The following AKNA variants were observed in gnomAD, a reference collection of about 807,000 sequenced individuals.
AKNA encodes microtubule organization protein AKNA.
A neutral mutation model predicts 138.8 loss-of-function variants in AKNA; 67 were observed. The observed-to-expected ratio is 0.48, with a 90% CI of 0.40 to 0.59. AKNA has a LOEUF of 0.59. Among genes scored for constraint, AKNA ranks in the 20% least tolerant of loss-of-function variants. The probability of loss-of-function intolerance (pLI) is 0.00; values close to 1 mark genes in which losing one functional copy is unlikely to be tolerated. For missense variants in AKNA, 1,813 were observed against 1,880.4 expected (o/e 0.96, Z 0.66); for synonymous variants, 737 against 754.4 (o/e 0.98, Z 0.38).
chr9:114,396,541 T>C (rs1320203016), upstream of AKNA, among the ~76,000 whole-genome samples: 2 of 151,950 alleles, frequency 1.3e-5, no homozygotes, highest in Admixed American at 6.6e-5. Context: ...TAGCCAGGTG[T>C]AGTGGCACAC....
chr9:114,381,110 G>A lies in AKNA; in HGVS notation c.224C>T (p.Pro75Leu), dbSNP rs372030820. Residue 75 changes from proline to leucine, a missense_variant, in exon 2 of 22, where the codon CCG becomes CTG. By Grantham distance (98) the Pro-to-Leu change is moderately conservative (BLOSUM62 -3). Coordinates refer to ENST00000374088, the MANE Select transcript of AKNA (RefSeq NM_001317950.2). Reference protein sequence around the residue: ...HLPPLEWDPHPQPDGHQDSES... With the variant: ...HLPPLEWDPHLQPDGHQDSES... ...GGAATCCTGATGCCCATCGGGCTGCGGGTGTGGGTCCCACTCCAGGGGCGG... is the reference window on the plus strand; with the variant it reads ...GGAATCCTGATGCCCATCGGGCTGCAGGTGTGGGTCCCACTCCAGGGGCGG... 45 of 1,608,128 alleles carry A rather than the reference G, an allele frequency of 2.8e-5. No homozygotes were observed. Among genetic ancestry groups the A allele is most frequent in the East Asian group, 6.7e-5 (3 of 44,834 alleles).
At chr9:114,382,179 G>T (rs1241143097) in intron 1 of AKNA, among the ~76,000 whole-genome samples, 1 of 152,230 alleles carries the variant, frequency 6.6e-6, no homozygotes, top group African/African-American at 2.4e-5. Flanking sequence ...CACGGGGGCT[G>T]CCCTGACACA....
rs143623875 is a variant in AKNA, at chr9:114,338,081, A to C, written c.4068-775T>G. Among the ~76,000 whole-genome samples the C allele has an allele frequency of 4.4e-4, 67 of 152,250 alleles. 1 individual carries two copies. The highest frequency in any genetic ancestry group is 2.7e-3 in the Admixed American group (41 of 15,294). On this transcript the variant is annotated intron_variant, in intron 21 of 21. Coordinates refer to ENST00000374088, the MANE Select transcript of AKNA (RefSeq NM_001317950.2). ...AAATAAAGGGTGTGTGTGGTGGAGG[A>C]GGGAGATAAAGAAGCATGGACCTAA...
rs947652519 is a variant in AKNA at position 114,348,030 on chromosome 9, A to G, written c.3222-130T>C. Reference sequence around the variant, plus strand: ...GCACAGGGTCTATCTCTGCTGTCAAACGATTCTAGAACTTTCCTGTGCGAC... The same window carrying G: ...GCACAGGGTCTATCTCTGCTGTCAAGCGATTCTAGAACTTTCCTGTGCGAC... On this transcript the variant is annotated intron_variant, in intron 15 of 21. Coordinates refer to ENST00000374088, the MANE Select transcript of AKNA (RefSeq NM_001317950.2). 6.0e-6 allele frequency: 6 copies of G among 1,006,288 alleles called. No homozygotes were observed. In the African/African-American group the frequency reaches 8.5e-5, roughly 14 times the overall value. The allele number at this position is 1,006,288 out of a possible 1,614,324, so 62.3% of individuals were successfully genotyped here. A position where few individuals can be genotyped will look rare whatever the true frequency, so the allele number is the denominator to read the frequency against.
intron 14 of AKNA, among the ~76,000 whole-genome samples, chr9:114,353,350 C>T (rs905927967): frequency 3.3e-5 from 5 of 151,948 alleles, no homozygotes; most frequent in African/African-American, 4.8e-5. Context: ...CTGCAACCTC[C>T]GCCCCCGGGT....
chr9:114,358,168 C>T lies in AKNA; in HGVS notation c.2493-1G>A, dbSNP rs935468801. The T allele has an allele frequency of 6.2e-7, 1 of 1,613,846 alleles. No homozygotes were observed. Among genetic ancestry groups the T allele is most frequent in the African/African-American group, 1.3e-5 (1 of 74,938 alleles). On this transcript the variant is annotated splice_acceptor_variant, in intron 11 of 21. Coordinates refer to ENST00000374088, the MANE Select transcript of AKNA (RefSeq NM_001317950.2). LOFTEE classifies it high-confidence loss of function. The stretch of plus-strand genomic sequence containing the variant: ...AGATACCATCTTCTCCGTGGCCTCC[C>T]TGGCATGGGAAGAGAAGACCATCCT...
At chr9:114,330,549 C>G, downstream of AKNA, 1 of 1,612,794 alleles carries the variant, frequency 6.2e-7, no homozygotes, top group Non-Finnish European at 8.5e-7. Context: ...ACAGAGGACA[C>G]GATCTTTCTC....
upstream of AKNA, among the ~76,000 whole-genome samples, chr9:114,388,365 C>T (rs546073499): frequency 5.9e-4 from 90 of 152,298 alleles, no homozygotes; most frequent in Non-Finnish European, 1.2e-3. Flanking sequence ...TGACCTTAGC[C>T]GAGGCTCCTT....
At chr9:114,362,650 G>C in intron 7 of AKNA, 117 bp from the exon 8 acceptor site, 1 of 1,328,444 alleles carries the variant, frequency 7.5e-7, no homozygotes, top group Non-Finnish European at 9.9e-7. Context: ...GGGCCCCTGG[G>C]TTCATGCAAG....
At position 114,337,091 on chromosome 9, in the gene AKNA, C is replaced by A; in HGVS notation, c.4283G>T (p.Arg1428Leu). The A allele has an allele frequency of 6.7e-7, 1 of 1,489,342 alleles. No homozygotes were observed. Among genetic ancestry groups the A allele is most frequent in the South Asian group, 1.1e-5 (1 of 87,322 alleles). The allele number at this position is 1,489,342 out of a possible 1,614,324, so 92.3% of individuals were successfully genotyped here. Residue 1428 changes from arginine to leucine, a missense_variant, in exon 22 of 22, where the codon CGC becomes CTC. By Grantham distance (102) the Arg-to-Leu change is moderately radical (BLOSUM62 -2). Transcript: ENST00000374088. ...GGAGCCCCGCAGGCTGTGAGCCTGG[C>A]GCAGGTCGGCTGACAGCGAGCTTCT... is the stretch of plus-strand genomic sequence containing the variant. ...QMRSSLSADL[R>L]QAHSLRGSCL... is the part of the protein sequence containing the mutation.
intron 1 of AKNA, among the ~76,000 whole-genome samples, chr9:114,383,685 C>T (rs534057373): frequency 5.3e-5 from 8 of 152,316 alleles, no homozygotes; most frequent in African/African-American, 1.4e-4. Context: ...CTGTGTTTGT[C>T]CCTTTATCCT....
chr9:114,367,436 G>A (rs1488516128), intron 6 of AKNA, 107 bp downstream of exon 6: 1 of 1,360,744 alleles, frequency 7.3e-7, no homozygotes. Flanking sequence ...CAGAGGCAGG[G>A]GAATGACAAG....
upstream of AKNA, among the ~76,000 whole-genome samples, chr9:114,392,215 A>T (rs1420565835): frequency 6.6e-6 from 1 of 152,166 alleles, no homozygotes. Context: ...GAAGTAGAGA[A>T]CCAAGTTCCA....
At chr9:114,362,628 T>C in intron 7 of AKNA, 95 bp from the exon 8 acceptor site, 2 of 1,436,014 alleles carry the variant, frequency 1.4e-6, no homozygotes, top group Admixed American at 2.4e-5. Flanking sequence ...CGGGAGGCCA[T>C]GGGATGCACC....
intron 15 of AKNA, among the ~76,000 whole-genome samples, chr9:114,349,782 C>T (rs963099197): frequency 6.6e-6 from 1 of 152,212 alleles, no homozygotes; most frequent in East Asian, 1.9e-4. Context: ...CCCCCTCACA[C>T]TAGAGGATCT....
chr9:114,375,881 G>A (rs1269498226), intron 3 of AKNA: 4 of 435,090 alleles, frequency 9.2e-6, no homozygotes, highest in East Asian at 1.4e-4. Context: ...GGGCTTGGGT[G>A]TATCTCAGGG....
intron 6 of AKNA, 118 bp downstream of exon 6, chr9:114,367,425 G>A (rs1832442340): frequency 7.8e-7 from 1 of 1,275,700 alleles, no homozygotes; most frequent in African/African-American, 1.5e-5. Flanking sequence ...TTAACTCGGT[G>A]CAGAGGCAGG....
intron 11 of AKNA, among the ~76,000 whole-genome samples, chr9:114,358,837 G>A (rs138795773): frequency 7.4e-6 from 1 of 134,644 alleles, no homozygotes; most frequent in Non-Finnish European, 1.6e-5. Context: ...GTTGTGGGGT[G>A]GGGGGAGGGA....
At chr9:114,349,129 C>T (rs1830921435) in intron 15 of AKNA, 2 of 353,052 alleles carry the variant, frequency 5.7e-6, no homozygotes, top group East Asian at 7.5e-5. Context: ...CATCTCCCCA[C>T]CCCCAGTTAA....
Sources: allele counts gnomAD v4.1 joint callset (sites outside exome capture counted in the v4.1 genomes callset), GRCh38; gene constraint gnomAD v4.1.1; transcripts MANE v1.5; gene names NCBI Gene and HGNC (gene_info 2026-07-23, HGNC 2026-07-21).